The following KIF5B variants were observed in gnomAD, a reference collection of about 807,000 sequenced individuals.
KIF5B encodes kinesin-1 heavy chain.
A neutral mutation model predicts 132.8 loss-of-function variants in KIF5B; 49 were observed. That is an observed-to-expected ratio of 0.37 (90% CI 0.29 to 0.47). The LOEUF (loss-of-function observed/expected upper bound fraction) is 0.47, where lower values mean the gene tolerates loss of function less well. Among genes scored for constraint, KIF5B ranks in the 20% least tolerant of loss-of-function variants. The pLI is 1.00. For synonymous variants in KIF5B, 355 were observed against 369.4 expected, an observed-to-expected ratio of 0.96 and a Z score of 0.45; for missense variants, 780 against 1,144.0, an observed-to-expected ratio of 0.68 and a Z score of 4.59.
At position 32,034,618 on chromosome 10, in the gene KIF5B, A is replaced by C. The variant is rs1841441465; in HGVS notation, c.1111+72T>G. The C allele has an allele frequency of 2.6e-6, 3 of 1,169,784 alleles. No homozygotes were observed. In the African/African-American group the frequency reaches 4.8e-5, roughly 19 times the overall value. The allele number at this position is 1,169,784 out of a possible 1,614,324, so 72.5% of individuals were successfully genotyped here. A position where few individuals can be genotyped will look rare whatever the true frequency, so the allele number is the denominator to read the frequency against. On this transcript the variant is annotated intron_variant, in intron 11 of 25. Coordinates refer to ENST00000302418, the MANE Select transcript of KIF5B (RefSeq NM_004521.3). The stretch of plus-strand genomic sequence containing the variant: ...ATCTAGTCACTTACTGATTTTGCTG[A>C]ACTATTTCTACGTTTCTATGCTCTA...
At chr10:32,033,152 C>G (rs1841422355) in intron 12 of KIF5B, among the ~76,000 whole-genome samples, 1 of 152,076 alleles carries the variant, frequency 6.6e-6, no homozygotes, top group Non-Finnish European at 1.5e-5. Flanking sequence ...ATATTATTTC[C>G]ACTCTATTGT....
At chr10:32,053,412 G>C (rs211295) in intron 1 of KIF5B, among the ~76,000 whole-genome samples, 150,355 of 150,578 alleles carry the variant, frequency 1, 75,067 homozygotes, top group Middle Eastern at 1. Flanking sequence ...TGTATTTTTG[G>C]TTACACGTTA....
chr10:32,020,351 A>G (rs1841242187), intron 19 of KIF5B, among the ~76,000 whole-genome samples: 1 of 152,000 alleles, frequency 6.6e-6, no homozygotes, highest in African/African-American at 2.4e-5. Context: ...AGGCAGGGAA[A>G]TTGCTTCTAG....
rs1841360882 is a variant in KIF5B at position 32,028,518 on chromosome 10, G to T, written c.1635C>A (p.Asn545Lys). 1 of 1,613,560 alleles carries T rather than the reference G, an allele frequency of 6.2e-7. No homozygotes were observed. The highest frequency in any genetic ancestry group is 1.1e-5 in the South Asian group (1 of 91,054). The change falls in exon 15 of 26, where the codon AAC becomes AAA. Residue 545 changes from asparagine to lysine, a missense_variant. Asn to Lys is a moderately conservative substitution (Grantham distance 94, BLOSUM62 0). Coordinates refer to ENST00000302418, the MANE Select transcript of KIF5B (RefSeq NM_004521.3). ...AELQKLKEMT[N>K]HQKKRAAEMM... The stretch of plus-strand genomic sequence containing the variant: ...TCTCAGCTGCTCGTTTTTTCTGGTG[G>T]TTGGTCATTTCCTTAAGTTTCTGAA...
chr10:32,054,128 A>C (rs1380813949), intron 1 of KIF5B, among the ~76,000 whole-genome samples: 1 of 152,270 alleles, frequency 6.6e-6, no homozygotes, highest in African/African-American at 2.4e-5. Flanking sequence ...GACATTCTTA[A>C]AACAAGTGTA....
intron 2 of KIF5B, among the ~76,000 whole-genome samples, chr10:32,045,183 T>C (rs1362469086): frequency 1.3e-5 from 2 of 152,014 alleles, no homozygotes; most frequent in Non-Finnish European, 2.9e-5. Flanking sequence ...ACTAAGGATA[T>C]ACAAGAGAAG....
At chr10:32,028,851 G>T (rs993681334) in intron 14 of KIF5B, among the ~76,000 whole-genome samples, 1 of 152,052 alleles carries the variant, frequency 6.6e-6, no homozygotes, top group African/African-American at 2.4e-5. Context: ...AATATTTTCT[G>T]TCTAAAAATG....
chr10:32,032,364 T>C (rs908956098), intron 13 of KIF5B, among the ~76,000 whole-genome samples: 1 of 152,168 alleles, frequency 6.6e-6, no homozygotes, highest in African/African-American at 2.4e-5. Context: ...GCAGTCTTTG[T>C]CTTCACCCTG....
At chr10:32,040,685 T>C (rs1046488814) in intron 2 of KIF5B, among the ~76,000 whole-genome samples, 5 of 150,404 alleles carry the variant, frequency 3.3e-5, no homozygotes, top group Non-Finnish European at 5.9e-5. Context: ...GCATACTAAA[T>C]TCTGTATAAT....
chr10:32,015,150 T>C (rs564629757), intron 25 of KIF5B, among the ~76,000 whole-genome samples: 1 of 150,578 alleles, frequency 6.6e-6, no homozygotes, highest in African/African-American at 2.4e-5. Flanking sequence ...AAAAAAAAGA[T>C]GTTTCAAATT....
At chr10:32,047,622 T>G (rs925119188) in intron 2 of KIF5B, among the ~76,000 whole-genome samples, 1 of 152,166 alleles carries the variant, frequency 6.6e-6, no homozygotes, top group Non-Finnish European at 1.5e-5. Flanking sequence ...ATACACATTT[T>G]CCCTCCCTCA....
In KIF5B at chr10:32,028,244, T is replaced by C. The variant is rs570090941; in HGVS notation, c.1725+184A>G. Among the ~76,000 whole-genome samples the C allele has an allele frequency of 1.5e-3, 223 of 152,312 alleles. No homozygotes were observed. Among genetic ancestry groups the C allele is most frequent in the Non-Finnish European group, 2.5e-3 (167 of 68,016 alleles). Reference sequence around the variant, plus strand: ...AAATGCCGCCTACTGAATTTACCTATTTGGGTGCCCTTATTCTCTTGCTCT... The same window carrying C: ...AAATGCCGCCTACTGAATTTACCTACTTGGGTGCCCTTATTCTCTTGCTCT... On this transcript the variant is annotated intron_variant, in intron 15 of 25. Transcript: ENST00000302418.
chr10:32,053,402 T>A (rs1235378897), intron 1 of KIF5B, among the ~76,000 whole-genome samples: 1 of 149,964 alleles, frequency 6.7e-6, no homozygotes, highest in African/African-American at 2.5e-5. Context: ...TCAGTTGTAA[T>A]GTATTTTTGG....
intron 2 of KIF5B, among the ~76,000 whole-genome samples, chr10:32,041,904 G>A (rs1282772378): frequency 6.6e-6 from 1 of 152,156 alleles, no homozygotes; most frequent in Non-Finnish European, 1.5e-5. Context: ...GGGATTACAG[G>A]CCTAAGTAAG....
chr10:32,048,369 G>T, intron 2 of KIF5B, 95 bp downstream of exon 2: 1 of 739,072 alleles, frequency 1.4e-6, no homozygotes, highest in Non-Finnish European at 2.3e-6. Context: ...AGAAGAAAGG[G>T]GCATTAAAAT....
intron 13 of KIF5B, among the ~76,000 whole-genome samples, chr10:32,032,370 C>T (rs555156954): frequency 1.3e-5 from 2 of 152,174 alleles, no homozygotes; most frequent in South Asian, 4.1e-4. Flanking sequence ...TTTGTCTTCA[C>T]CCTGCCCACC....
At position 32,033,958 on chromosome 10, in the gene KIF5B, G is replaced by C; in HGVS notation, c.1192C>G (p.Leu398Val). Residue 398 changes from leucine to valine, a missense_variant, in exon 12 of 26, where the codon CTT (leucine) becomes GTT (valine). Transcript: ENST00000302418. ...GCGGTTGCTGGTTTATCATTGGTAA[G>C]AGTAATATCTTTATCCACTGTGAAA... is the stretch of plus-strand genomic sequence containing the variant. Reference protein sequence around the residue: ...EAFTVDKDITLTNDKPATAIG... With the variant: ...EAFTVDKDITVTNDKPATAIG... The C allele has an allele frequency of 6.2e-7, 1 of 1,611,864 alleles. No individual in the cohort carries two copies. Among genetic ancestry groups the C allele is most frequent in the Non-Finnish European group, 8.5e-7 (1 of 1,178,362 alleles).
Position 32,018,320 on chromosome 10 carries a change from T to C in KIF5B, c.2435A>G (p.Lys812Arg), listed in dbSNP as rs745667212. ...ACCTCGGCATAGTTACATTACCTTT[T>C]TAACTCTTGTAGCCAGGTCCTGAAC... ...LFVQDLATRV[K>R]KSAEIDSDDT... The change falls in exon 22 of 26, where the codon AAA (lysine) becomes AGA (arginine). Residue 812 changes from lysine (K) to arginine (R), a missense_variant. Transcript: ENST00000302418. The C allele has an allele frequency of 6.6e-7, 1 of 1,504,942 alleles. No homozygotes were observed. Among genetic ancestry groups the C allele is most frequent in the Non-Finnish European group, 8.9e-7 (1 of 1,128,810 alleles). 93.2% of individuals were successfully genotyped at this position (1,504,942 alleles called of 1,614,324 possible). A position where few individuals can be genotyped will look rare whatever the true frequency, so the allele number is the denominator to read the frequency against.
chr10:32,028,723 C>A (rs1841363182), intron 14 of KIF5B, 152 bp from the exon 15 acceptor site: 2 of 603,044 alleles, frequency 3.3e-6, no homozygotes, highest in Non-Finnish European at 5.5e-6. Flanking sequence ...AGGTTCTGGG[C>A]TCCCAGCTCA....
Sources: gnomAD v4.1 joint callset for allele counts (sites outside exome capture counted in the v4.1 genomes callset) on GRCh38, gnomAD v4.1.1 for gene constraint, MANE v1.5 for transcripts, NCBI Gene and HGNC (gene_info 2026-07-23, HGNC 2026-07-21) for gene names.